Variants in ATP5MJ observed in about 807,000 individuals in gnomAD.
ATP5MJ encodes ATP synthase F(0) complex subunit j, mitochondrial.
A neutral mutation model predicts 8.3 loss-of-function variants in ATP5MJ; 4 were observed. The observed-to-expected ratio is 0.48, with a 90% CI of 0.24 to 1.11. The LOEUF is 1.11. Ranked by LOEUF, ATP5MJ falls within the 50% of genes least tolerant of loss-of-function variation. The pLI, the probability that ATP5MJ is intolerant of heterozygous loss-of-function variation, is 0.18. For missense variants in ATP5MJ, 66 were observed against 71.8 expected, an observed-to-expected ratio of 0.92 and a Z score of 0.29; for synonymous variants, 23 against 21.3, an observed-to-expected ratio of 1.08 and a Z score of -0.23.
In ATP5MJ at chr14:103,912,596, T is replaced by C; in HGVS notation, c.*70A>G. On this transcript the variant is annotated 3_prime_UTR_variant, in exon 4 of 4. Transcript: ENST00000286953. ...GTACAGTGACGTTCCACGCTCCCCA[T>C]CTAACACGGCTTGCTGAAATTTACA... The C allele has an allele frequency of 1.3e-6, 2 of 1,517,030 alleles. No homozygotes were observed. Among genetic ancestry groups the C allele is most frequent in the Non-Finnish European group, 1.8e-6 (2 of 1,093,916 alleles). The allele number at this position is 1,517,030 out of a possible 1,614,324, so 94.0% of individuals were successfully genotyped here.
chr14:103,914,529 G>A (rs1203496759), intron 2 of ATP5MJ: 6 of 689,116 alleles, frequency 8.7e-6, no homozygotes, highest in Admixed American at 2.0e-5. Context: ...GCCAGGTGTT[G>A]TGGCTCACGC....
intron 2 of ATP5MJ, chr14:103,914,580 T>A: frequency 4.4e-6 from 3 of 686,020 alleles, no homozygotes; most frequent in Non-Finnish European, 8.0e-6. Flanking sequence ...ATTGGAGGAC[T>A]GCTTGAGCCC....
In ATP5MJ at chr14:103,921,454, A is replaced by G; in HGVS notation, c.-1+16T>C. ...GTCTCGCACCTCGGGAGCCAGGTCC[A>G]GGTCCCCGTACTCACCTTGGCGCAG... On this transcript the variant is annotated intron_variant, in intron 1 of 3. Transcript: ENST00000286953. The G allele has an allele frequency of 8.9e-6, 2 of 223,728 alleles. No individual in the cohort carries two copies. The highest frequency in any genetic ancestry group is 9.2e-6 in the Non-Finnish European group (1 of 109,156). 13.9% of individuals were successfully genotyped at this position (223,728 alleles called of 1,614,324 possible). A position where few individuals can be genotyped will look rare whatever the true frequency, so the allele number is the denominator to read the frequency against.
intron 2 of ATP5MJ, chr14:103,914,837 C>CAAAAAAAAAAAAAAAAAAAAAAAAA (rs35916279): frequency 1.3e-4 from 25 of 191,064 alleles, no homozygotes; most frequent in South Asian, 4.7e-4. Context: ...AGACTGTCTC[C>CAAAAAAAAAAAAAAAAAAAAAAAAA]AAAAAAAAAA....
At chr14:103,914,337 T>C in intron 2 of ATP5MJ, 1 of 538,110 alleles carries the variant, frequency 1.9e-6, no homozygotes, top group Non-Finnish European at 3.3e-6. Flanking sequence ...CCTCCAAATT[T>C]TTTTACAAAC....
At chr14:103,913,921 G>C (rs2152107074) in intron 3 of ATP5MJ, 40 bp downstream of exon 3, 1 of 1,602,406 alleles carries the variant, frequency 6.2e-7, no homozygotes, top group East Asian at 2.2e-5. Context: ...ACATGATGCT[G>C]TTTTCCATTC....
chr14:103,919,880 G>A (rs998114656), intron 1 of ATP5MJ, among the ~76,000 whole-genome samples: 1 of 151,838 alleles, frequency 6.6e-6, no homozygotes, highest in African/African-American at 2.4e-5. Context: ...AGGCTGGAGT[G>A]CAATGGTGCG....
At chr14:103,916,392 A>G (rs2087626123) in intron 1 of ATP5MJ, among the ~76,000 whole-genome samples, 1 of 152,156 alleles carries the variant, frequency 6.6e-6, no homozygotes, top group Non-Finnish European at 1.5e-5. Context: ...AACTACAGTC[A>G]AATAGCTGTC....
At chr14:103,914,751 C>T (rs1253196263) in intron 2 of ATP5MJ, 1 of 517,116 alleles carries the variant, frequency 1.9e-6, no homozygotes, top group Non-Finnish European at 3.4e-6. Flanking sequence ...CACCTGAAAT[C>T]ACCTGAGCCT....
At chr14:103,917,187 G>A (rs2087632356) in intron 1 of ATP5MJ, among the ~76,000 whole-genome samples, 2 of 152,136 alleles carry the variant, frequency 1.3e-5, no homozygotes, top group Admixed American at 6.6e-5. Flanking sequence ...TCAAATCCTG[G>A]CTGTCACTTA....
chr14:103,914,016 A>G (rs1268348917), intron 2 of ATP5MJ, 32 bp from the exon 3 acceptor site: 2 of 1,584,010 alleles, frequency 1.3e-6, no homozygotes, highest in South Asian at 1.1e-5. Context: ...AAAAGCAGTC[A>G]TATCAATGCT....
intron 1 of ATP5MJ, among the ~76,000 whole-genome samples, chr14:103,919,435 T>G (rs949074277): frequency 3.4e-5 from 5 of 149,240 alleles, no homozygotes; most frequent in African/African-American, 1.2e-4. Flanking sequence ...AGTAACAGAA[T>G]TGATACAAAT....
intron 2 of ATP5MJ, chr14:103,914,853 A>AAAAAAAG: frequency 2.2e-6 from 1 of 450,468 alleles, no homozygotes; most frequent in Admixed American, 4.8e-5. Flanking sequence ...AAAAAAAAAA[A>AAAAAAAG]AAAAGAAAAG....
intron 1 of ATP5MJ, among the ~76,000 whole-genome samples, chr14:103,917,656 AAGTT>A: frequency 6.6e-6 from 1 of 152,306 alleles, no homozygotes; most frequent in East Asian, 1.9e-4. Flanking sequence ...ACCAGGAACT[AAGTT>A]AGTGTCTTGA....
intron 1 of ATP5MJ, among the ~76,000 whole-genome samples, chr14:103,919,475 G>A (rs1362599667): frequency 6.6e-6 from 1 of 151,296 alleles, no homozygotes; most frequent in East Asian, 1.9e-4. Flanking sequence ...TTAATACTAA[G>A]CCACTGGGAC....
chr14:103,918,612 G>A (rs960263377), intron 1 of ATP5MJ, among the ~76,000 whole-genome samples: 20 of 151,824 alleles, frequency 1.3e-4, no homozygotes, highest in African/African-American at 4.4e-4. Context: ...TGCCCGCCTC[G>A]GCCTCCCAAA....
chr14:103,914,935 C>T (rs933753510), intron 2 of ATP5MJ, 131 bp downstream of exon 2: 47 of 1,167,782 alleles, frequency 4.0e-5, no homozygotes, highest in Middle Eastern at 2.0e-4. Flanking sequence ...GTATTTTTTA[C>T]GAAGGACTGT....
Position 103,915,354 on chromosome 14 carries a change from C to CT in ATP5MJ, c.1-166dup, listed in dbSNP as rs1046111556. Among the ~76,000 whole-genome samples the CT allele has an allele frequency of 1.5e-3, 216 of 148,910 alleles. 2 individuals carry two copies. The highest frequency in any genetic ancestry group is 6.8e-3 in the Middle Eastern group (2 of 292). ...CTGCACTCACAGGGGACTCACACCT[C>CT]TTTTTTTTTTAAGGTGGAGTCTCAC... On this transcript the variant is annotated intron_variant, in intron 1 of 3. Transcript: ENST00000286953.
intron 1 of ATP5MJ, chr14:103,921,003 G>A (rs1412870347): frequency 6.4e-7 from 1 of 1,551,662 alleles, no homozygotes; most frequent in Non-Finnish European, 8.7e-7. Context: ...AGCACCGTAT[G>A]ATCTCTTTTC....
Sources: gnomAD v4.1 joint callset for allele counts (sites outside exome capture counted in the v4.1 genomes callset) on GRCh38, gnomAD v4.1.1 for gene constraint, MANE v1.5 for transcripts, NCBI Gene and HGNC (gene_info 2026-07-23, HGNC 2026-07-21) for gene names.